The following RBPJ variants were observed in gnomAD, a reference collection of about 807,000 sequenced individuals.
RBPJ encodes recombining binding protein suppressor of hairless.
A neutral mutation model predicts 67.8 loss-of-function variants in RBPJ; 9 were observed. That is an observed-to-expected ratio of 0.13 (90% CI 0.08 to 0.23). RBPJ has a LOEUF of 0.23. Ranked by LOEUF, RBPJ falls within the 10% of genes least tolerant of loss-of-function variation. RBPJ has a pLI of 1.00. For synonymous variants in RBPJ, 198 were observed against 203.3 expected, an observed-to-expected ratio of 0.97 and a Z score of 0.22; for missense variants, 305 against 595.6, an observed-to-expected ratio of 0.51 and a Z score of 5.08.
At position 26,432,267 on chromosome 4, in the gene RBPJ, A is replaced by G. The variant is rs1309998035; in HGVS notation, c.*1260A>G. The G allele has an allele frequency of 6.6e-6, 1 of 152,284 alleles. No individual in the cohort carries two copies. The highest frequency in any genetic ancestry group is 6.5e-5 in the Admixed American group (1 of 15,280). The allele number at this position is 152,284 out of a possible 1,614,324, so 9.4% of individuals were successfully genotyped here. A position where few individuals can be genotyped will look rare whatever the true frequency, so the allele number is the denominator to read the frequency against. On this transcript the variant is annotated 3_prime_UTR_variant, in exon 11 of 11. Transcript: ENST00000355476. Reference sequence around the variant, plus strand: ...GGGTTGGAGGGGGTAGCCTAGCCAGAACATCATTGTAATCTTAAAACATAA... The same window carrying G: ...GGGTTGGAGGGGGTAGCCTAGCCAGGACATCATTGTAATCTTAAAACATAA...
chr4:26,125,813 AT>A, the RBPJ span, among the ~76,000 whole-genome samples: 6 of 148,690 alleles, frequency 4.0e-5, no homozygotes, highest in South Asian at 1.3e-3. Flanking sequence ...AAAAAAAAAA[AT>A]CGTCCCTCTT....
At chr4:26,171,444 T>C (rs1196526264) in intron 1 of RBPJ, among the ~76,000 whole-genome samples, 2 of 152,150 alleles carry the variant, frequency 1.3e-5, no homozygotes, top group African/African-American at 4.8e-5. Flanking sequence ...AGCATGTTCC[T>C]ATAGTCCCAG....
chr4:26,166,088 G>A (rs1288654928), intron 1 of RBPJ, among the ~76,000 whole-genome samples: 1 of 148,412 alleles, frequency 6.7e-6, no homozygotes, highest in South Asian at 2.2e-4. Flanking sequence ...TGGTGTATAT[G>A]TGCCACATTT....
intron 1 of RBPJ, among the ~76,000 whole-genome samples, chr4:26,233,030 G>A (rs1360996504): frequency 6.6e-6 from 1 of 152,218 alleles, no homozygotes; most frequent in Non-Finnish European, 1.5e-5. Flanking sequence ...TGCAGAGAGA[G>A]CAGCTGCTTT....
intron 1 of RBPJ, among the ~76,000 whole-genome samples, chr4:26,349,589 CTAGG>C (rs1174032077): frequency 6.6e-6 from 1 of 152,148 alleles, no homozygotes; most frequent in Non-Finnish European, 1.5e-5. Context: ...GACATGTCTA[CTAGG>C]TAGCATACTA....
chr4:26,245,845 G>T (rs1015108503), intron 1 of RBPJ, among the ~76,000 whole-genome samples: 2 of 151,992 alleles, frequency 1.3e-5, no homozygotes, highest in African/African-American at 4.8e-5. Context: ...GAATTATCTT[G>T]GTACCCTTGT....
intron 1 of RBPJ, among the ~76,000 whole-genome samples, chr4:26,219,817 G>C (rs11929725): frequency 0.032 from 4,816 of 151,810 alleles, 257 homozygotes; most frequent in African/African-American, 0.11. Context: ...ACTCTGTCAC[G>C]CAGGCTGGAG....
chr4:26,274,890 C>T (rs950917797), intron 1 of RBPJ, among the ~76,000 whole-genome samples: 4 of 151,492 alleles, frequency 2.6e-5, no homozygotes, highest in Non-Finnish European at 4.4e-5. Context: ...GCTGAGATCA[C>T]GCCATTGCAT....
upstream of RBPJ, among the ~76,000 whole-genome samples, chr4:26,162,718 G>A (rs1340331442): frequency 2.0e-5 from 3 of 152,192 alleles, no homozygotes; most frequent in East Asian, 1.9e-4. Flanking sequence ...GTCAGGCTCC[G>A]AGCACATGTC....
chr4:26,306,504 C>T (rs1722244341), intron 1 of RBPJ, among the ~76,000 whole-genome samples: 1 of 151,490 alleles, frequency 6.6e-6, no homozygotes, highest in Non-Finnish European at 1.5e-5. Context: ...GGCTGGAGTG[C>T]AATGGCGCGA....
At chr4:26,177,194 A>C (rs924046645) in intron 1 of RBPJ, among the ~76,000 whole-genome samples, 5 of 152,176 alleles carry the variant, frequency 3.3e-5, no homozygotes, top group African/African-American at 1.2e-4. Flanking sequence ...CATCCTCCTC[A>C]TCTTAAATTC....
Position 26,180,700 on chromosome 4 carries a change from G to C in RBPJ, c.-167+17086G>C, listed in dbSNP as rs373982439. 3.9e-5 allele frequency among the ~76,000 whole-genome samples: 6 copies of C among 152,270 alleles called. No homozygotes were observed. In the Middle Eastern group the frequency reaches 0.01, roughly 259 times the overall value. On this transcript the variant is annotated intron_variant, in intron 1 of 4. Coordinates refer to the RBPJ transcript ENST00000512351. ...TTAGCATTTCAATGCATGAATCTGG[G>C]GGGGACACAAACATTCAAACTATAG...
chr4:26,266,527 G>A (rs1577371821), intron 1 of RBPJ, among the ~76,000 whole-genome samples: 1 of 152,276 alleles, frequency 6.6e-6, no homozygotes, highest in African/African-American at 2.4e-5. Flanking sequence ...GTGGCCTTTT[G>A]TCTTATAAGA....
chr4:26,289,093 T>C (rs1721574257), intron 1 of RBPJ, among the ~76,000 whole-genome samples: 1 of 150,634 alleles, frequency 6.6e-6, no homozygotes, highest in Non-Finnish European at 1.5e-5. Flanking sequence ...AAATAAAATG[T>C]TTAAGAAAGA....
At chr4:26,203,632 TGAAA>T (rs1718068159) in intron 1 of RBPJ, among the ~76,000 whole-genome samples, 1 of 151,970 alleles carries the variant, frequency 6.6e-6, no homozygotes, top group Non-Finnish European at 1.5e-5. Flanking sequence ...CTCTGTTGAG[TGAAA>T]GAATGATTGG....
At chr4:26,208,289 C>T (rs1486230325) in intron 1 of RBPJ, among the ~76,000 whole-genome samples, 1 of 152,170 alleles carries the variant, frequency 6.6e-6, no homozygotes, top group Non-Finnish European at 1.5e-5. Flanking sequence ...TACCTAAGTT[C>T]CCACTGATAA....
the RBPJ span, among the ~76,000 whole-genome samples, chr4:26,152,325 G>T: frequency 6.6e-6 from 1 of 152,174 alleles, no homozygotes; most frequent in African/African-American, 2.4e-5. Context: ...AATGTTCCAG[G>T]TACGCCCTGA....
At chr4:26,349,975 T>G (rs1353259015) in intron 1 of RBPJ, among the ~76,000 whole-genome samples, 1 of 152,224 alleles carries the variant, frequency 6.6e-6, no homozygotes, top group Non-Finnish European at 1.5e-5. Flanking sequence ...ATGCTCTCAC[T>G]GTTATTTCAT....
intron 1 of RBPJ, among the ~76,000 whole-genome samples, chr4:26,250,022 G>C (rs1577357464): frequency 6.6e-6 from 1 of 151,882 alleles, no homozygotes; most frequent in South Asian, 2.1e-4. Flanking sequence ...CTGACCTCAG[G>C]TGGTCCCCCC....
Sources: gnomAD v4.1 joint callset for allele counts (sites outside exome capture counted in the v4.1 genomes callset) on GRCh38, gnomAD v4.1.1 for gene constraint, MANE v1.5 for transcripts, NCBI Gene and HGNC (gene_info 2026-07-23, HGNC 2026-07-21) for gene names.